The following LZTFL1 variants were observed in gnomAD, a reference collection of about 807,000 sequenced individuals.
The protein encoded by LZTFL1 is leucine zipper transcription factor like 1.
LZTFL1 carries 25 observed loss-of-function variants against 45.9 expected under a neutral mutation model. The ratio of observed to expected loss-of-function variants is 0.54; its 90% CI spans 0.40 to 0.76. LZTFL1 has a LOEUF of 0.76. LZTFL1 is among the 30% of genes least tolerant of loss of function. The pLI, the probability that LZTFL1 is intolerant of heterozygous loss-of-function variation, is 0.00. For synonymous variants in LZTFL1, 93 were observed against 117.4 expected (o/e 0.79, Z 1.35); for missense variants, 277 against 331.1 (o/e 0.84, Z 1.27).
intron 2 of LZTFL1, among the ~76,000 whole-genome samples, chr3:45,878,249 C>G (rs1701787390): frequency 1.3e-5 from 2 of 152,294 alleles, no homozygotes; most frequent in Non-Finnish European, 2.9e-5. Context: ...ATGGCCAGCA[C>G]CAGCCCGAGG....
intron 2 of LZTFL1, chr3:45,886,370 C>A (rs973416950): frequency 6.6e-6 from 1 of 152,258 alleles, no homozygotes; most frequent in Non-Finnish European, 1.5e-5. Context: ...GACAGTTTCC[C>A]CTTATCCCAG....
chr3:45,840,699 A>C (rs1701084784), intron 1 of LZTFL1, among the ~76,000 whole-genome samples: 1 of 152,246 alleles, frequency 6.6e-6, no homozygotes, highest in Non-Finnish European at 1.5e-5. Context: ...TTGAAATTGT[A>C]CCACAAATTG....
intron 5 of LZTFL1, among the ~76,000 whole-genome samples, 183 bp from the exon 6 acceptor site, chr3:45,831,321 C>T (rs1700811117): frequency 6.6e-6 from 1 of 152,186 alleles, no homozygotes; most frequent in Non-Finnish European, 1.5e-5. Flanking sequence ...ATCTGTGAGT[C>T]AGCTTTGGAT....
At chr3:45,827,112 C>T in intron 9 of LZTFL1, 1 of 447,714 alleles carries the variant, frequency 2.2e-6, no homozygotes, top group South Asian at 3.5e-5. Context: ...GAATCCATTG[C>T]CAAGAGCAGC....
chr3:45,835,267 T>C (rs1045643769), intron 3 of LZTFL1: 2 of 216,808 alleles, frequency 9.2e-6, no homozygotes, highest in Non-Finnish European at 1.8e-5. Flanking sequence ...CTCTATTTCT[T>C]AGTTGACCAA....
intron 2 of LZTFL1, chr3:45,897,656 T>G (rs1182523445): frequency 1.3e-6 from 2 of 1,504,576 alleles, no homozygotes; most frequent in Non-Finnish European, 1.8e-6. Flanking sequence ...AGCTAAGTGA[T>G]GCTGGCCTTC....
intron 8 of LZTFL1, among the ~76,000 whole-genome samples, chr3:45,827,712 G>A (rs146450296): frequency 1.3e-5 from 2 of 152,122 alleles, no homozygotes; most frequent in East Asian, 1.9e-4. Flanking sequence ...TCAAGCCCTG[G>A]ATATGATAAA....
chr3:45,835,269 G>A (rs1700935148), intron 3 of LZTFL1: 1 of 217,868 alleles, frequency 4.6e-6, no homozygotes, highest in South Asian at 1.2e-4. Context: ...CTATTTCTTA[G>A]TTGACCAATC....
At chr3:45,892,515 C>A (rs1227450992) in intron 2 of LZTFL1, among the ~76,000 whole-genome samples, 1 of 151,996 alleles carries the variant, frequency 6.6e-6, no homozygotes, top group South Asian at 2.1e-4. Flanking sequence ...ATGTTGAGTA[C>A]ATATGGACAC....
At chr3:45,888,040 C>A (rs182375701) in intron 2 of LZTFL1, among the ~76,000 whole-genome samples, 5 of 152,300 alleles carry the variant, frequency 3.3e-5, no homozygotes, top group East Asian at 3.9e-4. Flanking sequence ...TGCACAATAA[C>A]CCCATGCTGA....
At chr3:45,854,233 C>T (rs938035601) in intron 4 of LZTFL1, among the ~76,000 whole-genome samples, 1 of 152,142 alleles carries the variant, frequency 6.6e-6, no homozygotes, top group Non-Finnish European at 1.5e-5. Flanking sequence ...TCCATTCATT[C>T]CCAGGGTTTC....
chr3:45,837,235 A>G (rs1700989707), intron 2 of LZTFL1, among the ~76,000 whole-genome samples: 1 of 152,214 alleles, frequency 6.6e-6, no homozygotes, highest in African/African-American at 2.4e-5. Context: ...AATAGAACAT[A>G]TGTTCTCGCC....
chr3:45,913,882 C>T (rs1702847455), intron 1 of LZTFL1, among the ~76,000 whole-genome samples: 1 of 152,134 alleles, frequency 6.6e-6, no homozygotes, highest in Non-Finnish European at 1.5e-5. Flanking sequence ...GATGTTTTTC[C>T]ACTCAGAAAT....
chr3:45,841,605 T>A, intron 1 of LZTFL1: 1 of 288,924 alleles, frequency 3.5e-6, no homozygotes, highest in Non-Finnish European at 6.7e-6. Context: ...TTAATGTGTG[T>A]GTGTGCGTAA....
chr3:45,871,070 T>C (rs1443790608), intron 2 of LZTFL1, among the ~76,000 whole-genome samples: 1 of 152,244 alleles, frequency 6.6e-6, no homozygotes, highest in East Asian at 1.9e-4. Context: ...TAGTATTCCA[T>C]AGAATGAAAG....
chr3:45,915,507 G>C (rs137975488), exon 1 of LZTFL1: 12 of 456,382 alleles, frequency 2.6e-5, no homozygotes, highest in South Asian at 1.2e-4. Context: ...AGCAGAAAGC[G>C]GGGGAGACCT....
chr3:45,892,172 G>A (rs1033647469), intron 2 of LZTFL1, among the ~76,000 whole-genome samples: 25 of 152,076 alleles, frequency 1.6e-4, no homozygotes, highest in African/African-American at 6.0e-4. Context: ...ATATGTATGT[G>A]AAACACACAT....
At chr3:45,889,757 G>A (rs1161056374) in intron 2 of LZTFL1, among the ~76,000 whole-genome samples, 2 of 151,444 alleles carry the variant, frequency 1.3e-5, no homozygotes, top group African/African-American at 4.9e-5. Flanking sequence ...TAGTCTTGAG[G>A]ACCTCTTTTC....
chr3:45,831,015 C>CTT (rs1399701447), intron 6 of LZTFL1, 25 bp from the exon 7 acceptor site: 1 of 1,609,484 alleles, frequency 6.2e-7, no homozygotes. Context: ...AAACAAAACA[C>CTT]TTTCAGTATT....
Sources: allele counts gnomAD v4.1 joint callset (sites outside exome capture counted in the v4.1 genomes callset), GRCh38; gene constraint gnomAD v4.1.1; transcripts MANE v1.5; gene names NCBI Gene and HGNC (gene_info 2026-07-23, HGNC 2026-07-21).